The following ZBTB7C variants were observed in gnomAD, a reference collection of about 807,000 sequenced individuals.
ZBTB7C encodes zinc finger and BTB domain containing 7C, also known as zinc finger and BTB domain-containing protein 7C.
ZBTB7C carries 8 observed loss-of-function variants against 25.7 expected under a neutral mutation model. The ratio of observed to expected loss-of-function variants is 0.31; its 90% CI spans 0.18 to 0.56. The LOEUF is 0.56. Among genes scored for constraint, ZBTB7C ranks in the 20% least tolerant of loss-of-function variants. The pLI is 0.91. For missense variants in ZBTB7C, 824 were observed against 855.2 expected, an observed-to-expected ratio of 0.96 and a Z score of 0.46; for synonymous variants, 394 against 369.0, an observed-to-expected ratio of 1.07 and a Z score of -0.78.
chr18:48,077,037 G>C, intron 3 of ZBTB7C: 3 of 695,426 alleles, frequency 4.3e-6, no homozygotes, highest in Non-Finnish European at 5.1e-6. Flanking sequence ...AGAATAGAAA[G>C]AAATGCACAA....
intron 3 of ZBTB7C, among the ~76,000 whole-genome samples, chr18:48,169,006 T>A (rs2041369489): frequency 6.6e-6 from 1 of 152,208 alleles, no homozygotes; most frequent in Non-Finnish European, 1.5e-5. Context: ...CCTTGGTGAA[T>A]GTTGCAACTG....
chr18:48,332,725 G>T (rs2046369883), intron 2 of ZBTB7C, among the ~76,000 whole-genome samples: 1 of 134,928 alleles, frequency 7.4e-6, no homozygotes, highest in African/African-American at 2.8e-5. Flanking sequence ...CAATTACCAG[G>T]CAAGCCAGGG....
intron 2 of ZBTB7C, among the ~76,000 whole-genome samples, chr18:48,211,388 G>A (rs2042698578): frequency 6.6e-6 from 1 of 152,038 alleles, no homozygotes; most frequent in African/African-American, 2.4e-5. Flanking sequence ...AACACGTCAA[G>A]AGAATAAGAA....
intron 2 of ZBTB7C, among the ~76,000 whole-genome samples, chr18:48,238,422 C>A (rs2043436801): frequency 1.3e-5 from 2 of 152,206 alleles, no homozygotes. Context: ...AAGCGGCTTG[C>A]CACTGCAAAC....
At chr18:48,050,284 C>A (rs894367728) in intron 3 of ZBTB7C, among the ~76,000 whole-genome samples, 1 of 152,196 alleles carries the variant, frequency 6.6e-6, no homozygotes, top group Non-Finnish European at 1.5e-5. Context: ...GGTGGTCACA[C>A]CCCTTGGCCC....
At chr18:48,190,908 G>A (rs1168736871) in intron 2 of ZBTB7C, among the ~76,000 whole-genome samples, 2 of 152,142 alleles carry the variant, frequency 1.3e-5, no homozygotes, top group Non-Finnish European at 2.9e-5. Flanking sequence ...CCTTTCTTGG[G>A]CACAGCACTT....
At position 48,092,150 on chromosome 18, in the gene ZBTB7C, C is replaced by T. The variant is rs576032981; in HGVS notation, c.-16-51027G>A. Among the ~76,000 whole-genome samples the T allele has an allele frequency of 9.8e-5, 15 of 152,366 alleles. 1 individual carries two copies. The South Asian group carries it at 2.1e-3, about 21-fold the overall frequency. On this transcript the variant is annotated intron_variant, in intron 3 of 4. Coordinates refer to ENST00000590800, the MANE Select transcript of ZBTB7C (RefSeq NM_001318841.2). Reference sequence around the variant, plus strand: ...CATAGTGGGTCGACACTTCCAGACACAGAGCCCTGGCGGAAATTACAGGAG... The same window carrying T: ...CATAGTGGGTCGACACTTCCAGACATAGAGCCCTGGCGGAAATTACAGGAG...
At chr18:48,281,309 TC>T (rs2044840933) in intron 2 of ZBTB7C, among the ~76,000 whole-genome samples, 1 of 152,072 alleles carries the variant, frequency 6.6e-6, no homozygotes, top group South Asian at 2.1e-4. Context: ...AAAAATTAAT[TC>T]AAGATGGATT....
intron 3 of ZBTB7C, among the ~76,000 whole-genome samples, chr18:48,086,169 G>A (rs963236362): frequency 1.3e-5 from 2 of 152,134 alleles, no homozygotes; most frequent in African/African-American, 4.8e-5. Flanking sequence ...TCTCTCTGCT[G>A]TTCCCCACTA....
At chr18:48,048,377 C>T (rs920610674) in intron 3 of ZBTB7C, among the ~76,000 whole-genome samples, 16 of 152,144 alleles carry the variant, frequency 1.1e-4, no homozygotes, top group African/African-American at 3.9e-4. Flanking sequence ...ACCTGGATTC[C>T]CCAAGTGGGA....
chr18:48,345,902 A>T (rs2046720471), intron 1 of ZBTB7C, among the ~76,000 whole-genome samples: 3 of 152,224 alleles, frequency 2.0e-5, no homozygotes, highest in African/African-American at 4.8e-5. Context: ...TAAAAATGTT[A>T]AAATGGGTTT....
At chr18:48,272,676 C>T (rs1387122452) in intron 2 of ZBTB7C, among the ~76,000 whole-genome samples, 2 of 152,142 alleles carry the variant, frequency 1.3e-5, no homozygotes, top group African/African-American at 2.4e-5. Flanking sequence ...AGAATGAGAA[C>T]ATCTGCCCTC....
chr18:48,316,820 G>A (rs2045958661), intron 2 of ZBTB7C, among the ~76,000 whole-genome samples: 1 of 152,196 alleles, frequency 6.6e-6, no homozygotes, highest in Non-Finnish European at 1.5e-5. Context: ...AACACAGGAG[G>A]CAATGAAGAG....
At chr18:48,164,871 C>A (rs965475542) in intron 3 of ZBTB7C, among the ~76,000 whole-genome samples, 1 of 152,128 alleles carries the variant, frequency 6.6e-6, no homozygotes, top group Non-Finnish European at 1.5e-5. Flanking sequence ...CACGAGCCCC[C>A]ACCCCCTACA....
At chr18:48,050,346 G>A (rs1206124247) in intron 3 of ZBTB7C, among the ~76,000 whole-genome samples, 1 of 152,160 alleles carries the variant, frequency 6.6e-6, no homozygotes, top group Non-Finnish European at 1.5e-5. Flanking sequence ...AGACATGTGG[G>A]CTGGGAGGCT....
chr18:48,216,813 G>A (rs533966143), intron 2 of ZBTB7C, among the ~76,000 whole-genome samples: 1 of 152,234 alleles, frequency 6.6e-6, no homozygotes, highest in African/African-American at 2.4e-5. Flanking sequence ...GTTGTGGGTT[G>A]AACTGTGTCC....
intron 2 of ZBTB7C, among the ~76,000 whole-genome samples, chr18:48,321,780 C>T (rs937392200): frequency 2.0e-5 from 3 of 152,272 alleles, no homozygotes; most frequent in South Asian, 2.1e-4. Context: ...ATGGGCTGCA[C>T]GGTGCAGGCT....
At chr18:48,291,337 A>G (rs1313160740) in intron 2 of ZBTB7C, among the ~76,000 whole-genome samples, 1 of 152,210 alleles carries the variant, frequency 6.6e-6, no homozygotes, top group Non-Finnish European at 1.5e-5. Flanking sequence ...AAAAGGAATG[A>G]CAGCCGAATC....
intron 3 of ZBTB7C, among the ~76,000 whole-genome samples, chr18:48,184,186 C>G (rs980849520): frequency 2.6e-5 from 4 of 152,140 alleles, no homozygotes; most frequent in African/African-American, 9.7e-5. Flanking sequence ...ATACAGCCCA[C>G]GAAAGCCAGC....
Sources: allele counts gnomAD v4.1 joint callset (sites outside exome capture counted in the v4.1 genomes callset), GRCh38; gene constraint gnomAD v4.1.1; transcripts MANE v1.5; gene names NCBI Gene and HGNC (gene_info 2026-07-23, HGNC 2026-07-21).